Variants in ANO1 observed in about 807,000 individuals in gnomAD.
ANO1 encodes the protein anoctamin-1.
In ANO1, 59 loss-of-function variants were observed where a neutral mutation model predicts 124.0. That is an observed-to-expected ratio of 0.48 (90% CI 0.39 to 0.59). The LOEUF (loss-of-function observed/expected upper bound fraction) is 0.59. Ranked by LOEUF, ANO1 falls within the 20% of genes least tolerant of loss-of-function variation. The pLI, the probability that ANO1 is intolerant of heterozygous loss-of-function variation, is 0.00. For synonymous variants in ANO1, 529 were observed against 532.0 expected, an observed-to-expected ratio of 0.99 and a Z score of 0.08; for missense variants, 1,059 against 1,328.0, an observed-to-expected ratio of 0.80 and a Z score of 3.15.
intron 1 of ANO1, among the ~76,000 whole-genome samples, chr11:70,023,970 T>A (rs1289926170): frequency 1.3e-5 from 2 of 152,242 alleles, no homozygotes; most frequent in African/African-American, 4.8e-5. Flanking sequence ...TTGCTTGGGT[T>A]GTAAAAGACA....
the ANO1 span, among the ~76,000 whole-genome samples, chr11:69,970,462 C>T: frequency 0.047 from 7,183 of 152,284 alleles, 408 homozygotes; most frequent in East Asian, 0.23. Context: ...AGGAAAGGTT[C>T]GTGAACTGTG....
chr11:70,166,066 C>T (rs1293769838), intron 20 of ANO1, among the ~76,000 whole-genome samples: 7 of 152,118 alleles, frequency 4.6e-5, no homozygotes, highest in Non-Finnish European at 8.8e-5. Flanking sequence ...AACTGTAATC[C>T]CAGCACTTTG....
At chr11:70,114,719 C>T (rs183407275) in intron 7 of ANO1, among the ~76,000 whole-genome samples, 29 of 152,100 alleles carry the variant, frequency 1.9e-4, no homozygotes, top group African/African-American at 5.8e-4. Context: ...ACCAACATGG[C>T]GAAACCTCAT....
intron 1 of ANO1, among the ~76,000 whole-genome samples, chr11:70,019,231 A>G (rs1454761879): frequency 1.6e-5 from 2 of 121,216 alleles, no homozygotes; most frequent in African/African-American, 3.1e-5. Flanking sequence ...GGGGAGGGAA[A>G]GAAGAACCCC....
intron 1 of ANO1, among the ~76,000 whole-genome samples, chr11:69,986,972 AAC>A (rs1856055203): frequency 6.6e-6 from 1 of 152,154 alleles, no homozygotes; most frequent in South Asian, 2.1e-4. Flanking sequence ...TGCCACCGCC[AAC>A]CCGGGACTGC....
rs2046508266 is a variant in ANO1, at chr11:70,126,279, C to T, written c.1097+84C>T. On this transcript the variant is annotated intron_variant, in intron 10 of 25. Coordinates refer to ENST00000355303, the MANE Select transcript of ANO1 (RefSeq NM_018043.7). Reference sequence around the variant, plus strand: ...CCCAGCTGCACAATTCATTGGGACACTGGCCTCTCACACCAATTCCTGTAC... The same window carrying T: ...CCCAGCTGCACAATTCATTGGGACATTGGCCTCTCACACCAATTCCTGTAC... The T allele has an allele frequency of 6.8e-6, 10 of 1,477,918 alleles. No homozygotes were observed. The Middle Eastern group carries it at 9.5e-4, about 140-fold the overall frequency. 91.6% of individuals were successfully genotyped at this position (1,477,918 alleles called of 1,614,324 possible).
intron 21 of ANO1, among the ~76,000 whole-genome samples, 180 bp downstream of exon 21, chr11:70,167,567 C>G (rs1274031759): frequency 2.0e-5 from 3 of 152,166 alleles, no homozygotes; most frequent in African/African-American, 7.2e-5. Flanking sequence ...GCTGCCACCC[C>G]CTTGGGTCGG....
chr11:70,150,634 A>G (rs2047566162), intron 12 of ANO1, among the ~76,000 whole-genome samples: 1 of 152,166 alleles, frequency 6.6e-6, no homozygotes. Context: ...TCCCGGGCTC[A>G]AGCCCTCCTC....
At chr11:69,994,109 C>CA in intron 1 of ANO1, among the ~76,000 whole-genome samples, 2 of 151,398 alleles carry the variant, frequency 1.3e-5, no homozygotes, top group Middle Eastern at 6.8e-3. Context: ...GTTAACCCCC[C>CA]CCCACAGTCA....
At chr11:70,125,321 C>T (rs1316653748) in intron 9 of ANO1, among the ~76,000 whole-genome samples, 9 of 151,202 alleles carry the variant, frequency 6.0e-5, no homozygotes, top group African/African-American at 1.9e-4. Flanking sequence ...GCAGCCTGGG[C>T]GACAGAGCAA....
intron 1 of ANO1, among the ~76,000 whole-genome samples, chr11:69,999,820 G>T (rs1475262470): frequency 4.6e-5 from 7 of 152,176 alleles, no homozygotes; most frequent in Non-Finnish European, 1.0e-4. Flanking sequence ...ACAGGCTGGG[G>T]TTCCTATCCT....
rs1645395602 is a variant in ANO1, at chr11:70,017,686, T to A, written c.58+31520T>A. On this transcript the variant is annotated intron_variant, in intron 1 of 27. Transcript: ENST00000531349. The stretch of plus-strand genomic sequence containing the variant: ...TGCACCACCACACCCAGCTAATTTT[T>A]AAATTATTTTTGTGTGGAGACAGGG... Among the ~76,000 whole-genome samples the A allele has an allele frequency of 2.6e-5, 4 of 152,060 alleles. No individual in the cohort carries two copies. The South Asian group carries it at 8.3e-4, about 32-fold the overall frequency.
intron 1 of ANO1, chr11:70,016,463 G>A (rs1555001970): frequency 6.6e-6 from 1 of 152,300 alleles, no homozygotes; most frequent in Non-Finnish European, 1.5e-5. Context: ...GTGAAGAGAA[G>A]ATGAGGTGGT....
chr11:70,090,921 C>T lies in ANO1; in HGVS notation c.441+2837C>T, dbSNP rs141793625. Among the ~76,000 whole-genome samples, 797 of 152,342 alleles carry T rather than the reference C, an allele frequency of 5.2e-3. 3 individuals carry two copies. The highest frequency in any genetic ancestry group is 9.5e-3 in the Non-Finnish European group (645 of 68,028). On this transcript the variant is annotated intron_variant, in intron 2 of 25. Coordinates refer to ENST00000355303, the MANE Select transcript of ANO1 (RefSeq NM_018043.7). ...GGCTGAAGTTGAGATGTTCCCACAT[C>T]CCTGCTGGAGCCTCTCAAATCATAA... is the stretch of plus-strand genomic sequence containing the variant.
At chr11:70,064,078 G>A (rs1857658794) in intron 1 of ANO1, 1 of 152,232 alleles carries the variant, frequency 6.6e-6, no homozygotes, top group African/African-American at 2.4e-5. Flanking sequence ...GATGGCTGAT[G>A]GAGGGAAGGA....
chr11:70,049,060 C>T (rs1453757016), intron 1 of ANO1, among the ~76,000 whole-genome samples: 1 of 152,106 alleles, frequency 6.6e-6, no homozygotes, highest in Non-Finnish European at 1.5e-5. Context: ...TGATGCTGGC[C>T]CCTGATTGCT....
At chr11:70,094,186 C>G (rs1004790341) in intron 2 of ANO1, among the ~76,000 whole-genome samples, 1 of 152,170 alleles carries the variant, frequency 6.6e-6, no homozygotes, top group African/African-American at 2.4e-5. Flanking sequence ...AGAGGGGAAC[C>G]GCAAGTCCCC....
At chr11:70,103,866 C>A in intron 3 of ANO1, 133 bp from the exon 4 acceptor site, 1 of 974,322 alleles carries the variant, frequency 1.0e-6, no homozygotes, top group Non-Finnish European at 1.5e-6. Flanking sequence ...GCATTCTGGC[C>A]CACCCAGGTG....
At chr11:70,162,278 C>T (rs1312179975) in intron 18 of ANO1, among the ~76,000 whole-genome samples, 2 of 148,158 alleles carry the variant, frequency 1.3e-5, no homozygotes, top group African/African-American at 5.0e-5. Context: ...ACAGTGGGGA[C>T]CCCGGGCAGT....
Sources: allele counts gnomAD v4.1 joint callset (sites outside exome capture counted in the v4.1 genomes callset), GRCh38; gene constraint gnomAD v4.1.1; transcripts MANE v1.5; gene names NCBI Gene and HGNC (gene_info 2026-07-23, HGNC 2026-07-21).